Variants in PLPP1 observed in about 807,000 individuals in gnomAD.
The protein encoded by PLPP1 is phospholipid phosphatase 1, also known as lipid phosphate phosphohydrolase 1a.
Under a neutral mutation model 31.2 loss-of-function variants are expected in PLPP1, and 24 were observed. The ratio of observed to expected loss-of-function variants is 0.77; its 90% confidence interval spans 0.56 to 1.08. The LOEUF is 1.08. Among genes scored for constraint, PLPP1 ranks in the 50% least tolerant of loss-of-function variants. The pLI, the probability that PLPP1 is intolerant of heterozygous loss-of-function variation, is 0.00. For missense variants in PLPP1, 319 were observed against 342.7 expected, an observed-to-expected ratio of 0.93 and a Z score of 0.55; for synonymous variants, 146 against 126.3, an observed-to-expected ratio of 1.16 and a Z score of -1.05.
At chr5:55,475,963 A>G (rs1752540165) in intron 1 of PLPP1, among the ~76,000 whole-genome samples, 1 of 146,294 alleles carries the variant, frequency 6.8e-6, no homozygotes, top group African/African-American at 2.5e-5. Context: ...ATAAAAAGGA[A>G]TCTGAACTTA....
intron 1 of PLPP1, among the ~76,000 whole-genome samples, chr5:55,505,590 C>T (rs1208564836): frequency 6.6e-6 from 1 of 152,036 alleles, no homozygotes; most frequent in Non-Finnish European, 1.5e-5. Context: ...AAGGTCTCCC[C>T]AAAATATCTA....
intron 3 of PLPP1, among the ~76,000 whole-genome samples, chr5:55,454,162 A>C (rs1751954232): frequency 6.6e-6 from 1 of 152,186 alleles, no homozygotes; most frequent in Non-Finnish European, 1.5e-5. Flanking sequence ...GTTTATAAAC[A>C]TTACCCCAGA....
At chr5:55,509,474 G>C (rs1163862351) in intron 1 of PLPP1, among the ~76,000 whole-genome samples, 1 of 152,112 alleles carries the variant, frequency 6.6e-6, no homozygotes, top group Non-Finnish European at 1.5e-5. Flanking sequence ...ATTATAAAAA[G>C]TTCTTCGTTA....
intron 4 of PLPP1, among the ~76,000 whole-genome samples, chr5:55,441,054 T>C (rs1751609747): frequency 6.6e-6 from 1 of 152,178 alleles, no homozygotes; most frequent in African/African-American, 2.4e-5. Context: ...TATATAGTGT[T>C]TTATTAATAC....
At chr5:55,443,203 AT>A (rs1751673292) in intron 3 of PLPP1, among the ~76,000 whole-genome samples, 1 of 126,118 alleles carries the variant, frequency 7.9e-6, no homozygotes, top group Non-Finnish European at 1.6e-5. Flanking sequence ...ATATATATAT[AT>A]ATATATATAC....
chr5:55,530,950 C>T (rs1357644594), intron 1 of PLPP1, among the ~76,000 whole-genome samples: 2 of 152,172 alleles, frequency 1.3e-5, no homozygotes, highest in Non-Finnish European at 2.9e-5. Flanking sequence ...CGGCAGCGGC[C>T]GAGGTGACGG....
intron 1 of PLPP1, among the ~76,000 whole-genome samples, chr5:55,477,059 T>C (rs1207666118): frequency 6.7e-6 from 1 of 149,158 alleles, no homozygotes; most frequent in African/African-American, 2.5e-5. Context: ...AATAATAAAC[T>C]AGAGCTGACT....
chr5:55,509,717 C>G (rs751943355), intron 1 of PLPP1, among the ~76,000 whole-genome samples: 95 of 152,180 alleles, frequency 6.2e-4, no homozygotes, highest in Non-Finnish European at 1.3e-3. Flanking sequence ...AGTTACTTCA[C>G]TATGGACTCT....
chr5:55,447,759 G>T (rs1343597115), intron 3 of PLPP1, among the ~76,000 whole-genome samples: 1 of 152,210 alleles, frequency 6.6e-6, no homozygotes, highest in African/African-American at 2.4e-5. Flanking sequence ...ATACGAAGAA[G>T]AAATTAGACT....
chr5:55,455,302 CT>C (rs1463987070), intron 3 of PLPP1, among the ~76,000 whole-genome samples: 1 of 152,134 alleles, frequency 6.6e-6, no homozygotes, highest in Non-Finnish European at 1.5e-5. Flanking sequence ...AATAGACCAG[CT>C]AGGCCGGGCA....
chr5:55,509,522 G>GAAA (rs1753359370), intron 1 of PLPP1, among the ~76,000 whole-genome samples: 1 of 152,132 alleles, frequency 6.6e-6, no homozygotes, highest in Non-Finnish European at 1.5e-5. Flanking sequence ...ATAAAAGGGA[G>GAAA]AAAAAGCAGT....
intron 1 of PLPP1, among the ~76,000 whole-genome samples, chr5:55,497,257 T>G (rs1753022034): frequency 6.6e-6 from 1 of 152,110 alleles, no homozygotes; most frequent in Non-Finnish European, 1.5e-5. Flanking sequence ...AGAAATTTTT[T>G]TTTTAAGAGA....
At chr5:55,443,192 A>AAATATATATATATAT in intron 3 of PLPP1, among the ~76,000 whole-genome samples, 18 of 25,436 alleles carry the variant, frequency 7.1e-4, no homozygotes, top group South Asian at 2.5e-3. Context: ...AAAAAAAAAA[A>AAATATATATATATAT]ATATATATAT....
Position 55,467,902 on chromosome 5 carries a change from C to T in PLPP1, c.458G>A (p.Cys153Tyr). 1.2e-6 allele frequency: 2 copies of T among 1,614,002 alleles called. No individual in the cohort carries two copies. Among genetic ancestry groups the T allele is most frequent in the Non-Finnish European group, 1.7e-6 (2 of 1,179,950 alleles). ...CTTAACTCTTTCTGCATTCCCTCGA[C>T]ATATGTAGTATTCAATGTAACCATC... ...CSDGYIEYYICRGNAERVKEG... is the reference protein window; with the variant it reads ...CSDGYIEYYIYRGNAERVKEG... The change falls in exon 3 of 6, where the codon TGT becomes TAT. Residue 153 changes from cysteine to tyrosine, a missense_variant. Transcript: ENST00000307259.
chr5:55,475,087 T>C (rs1459059441), intron 2 of PLPP1, among the ~76,000 whole-genome samples: 1 of 152,148 alleles, frequency 6.6e-6, no homozygotes, highest in Non-Finnish European at 1.5e-5. Flanking sequence ...ACTACAGGCA[T>C]GTCACCATGC....
At chr5:55,487,123 ACTC>A (rs1752791090) in intron 1 of PLPP1, among the ~76,000 whole-genome samples, 1 of 152,218 alleles carries the variant, frequency 6.6e-6, no homozygotes, top group African/African-American at 2.4e-5. Flanking sequence ...TACAGTCAGT[ACTC>A]AAGTCGATTT....
chr5:55,436,399 C>T (rs1280530444), intron 4 of PLPP1, among the ~76,000 whole-genome samples: 1 of 152,130 alleles, frequency 6.6e-6, no homozygotes, highest in African/African-American at 2.4e-5. Flanking sequence ...GTGGAGTTTC[C>T]CTGCACAAGC....
At chr5:55,530,325 G>C (rs1740615565) in intron 1 of PLPP1, 2 of 1,443,132 alleles carry the variant, frequency 1.4e-6, no homozygotes, top group Non-Finnish European at 9.7e-7. Flanking sequence ...TACACAAATA[G>C]GACATGTCAC....
chr5:55,487,740 A>G (rs997121581), intron 1 of PLPP1, among the ~76,000 whole-genome samples: 2 of 152,254 alleles, frequency 1.3e-5, no homozygotes, highest in East Asian at 3.9e-4. Context: ...AAAACAAACA[A>G]ATCTACCCTA....
Sources: allele counts gnomAD v4.1 joint callset (sites outside exome capture counted in the v4.1 genomes callset), GRCh38; gene constraint gnomAD v4.1.1; transcripts MANE v1.5; gene names NCBI Gene and HGNC (gene_info 2026-07-23, HGNC 2026-07-21).